The following ZCCHC14 variants were observed in gnomAD, a reference collection of about 807,000 sequenced individuals.
ZCCHC14 encodes zinc finger CCHC domain-containing protein 14.
ZCCHC14 carries 16 observed loss-of-function variants against 85.0 expected under a neutral mutation model. That is an observed-to-expected ratio of 0.19 (90% confidence interval 0.13 to 0.29). ZCCHC14 has a LOEUF of 0.29. ZCCHC14 is among the 10% of genes least tolerant of loss of function. ZCCHC14 has a pLI of 1.00. For synonymous variants in ZCCHC14, 775 were observed against 630.7 expected (o/e 1.23, Z -3.43); for missense variants, 1,303 against 1,443.5 (o/e 0.90, Z 1.58).
chr16:87,467,045 G>GTTTTT lies in ZCCHC14; in HGVS notation c.571-6919_571-6915dup, dbSNP rs11313580. The GTTTTT allele has an allele frequency of 2.1e-5, 6 of 279,568 alleles. No individual in the cohort carries two copies. In the Admixed American group the frequency reaches 2.6e-4, roughly 12 times the overall value. 17.3% of individuals were successfully genotyped at this position (279,568 alleles called of 1,614,324 possible). A position where few individuals can be genotyped will look rare whatever the true frequency, so the allele number is the denominator to read the frequency against. On this transcript the variant is annotated intron_variant, in intron 1 of 12. Coordinates refer to ENST00000671377, the MANE Select transcript of ZCCHC14 (RefSeq NM_015144.3). ...GTGTTTTTCATGAAAAAAAAAAATT[G>GTTTTT]TTTTTTTTTTTTTTTTTACTAAAGA...
At chr16:87,474,922 T>G (rs1331947749) in intron 1 of ZCCHC14, among the ~76,000 whole-genome samples, 3 of 151,858 alleles carry the variant, frequency 2.0e-5, no homozygotes, top group African/African-American at 7.3e-5. Context: ...ACAGGAAGAG[T>G]ATCTGGAGTT....
intron 1 of ZCCHC14, among the ~76,000 whole-genome samples, chr16:87,485,602 A>C (rs1912478850): frequency 6.6e-6 from 1 of 151,778 alleles, no homozygotes; most frequent in South Asian, 2.1e-4. Context: ...AAAAAAAAAA[A>C]AAAAAGAAGA....
intron 2 of ZCCHC14, among the ~76,000 whole-genome samples, chr16:87,452,504 G>T (rs1910753591): frequency 6.6e-6 from 1 of 152,106 alleles, no homozygotes; most frequent in African/African-American, 2.4e-5. Context: ...GTAAAGTAGG[G>T]TACAGAAGAG....
intron 1 of ZCCHC14, among the ~76,000 whole-genome samples, chr16:87,478,550 C>T (rs1912126360): frequency 6.6e-6 from 1 of 152,142 alleles, no homozygotes; most frequent in African/African-American, 2.4e-5. Flanking sequence ...TTACACACCA[C>T]ACAGTGCTTC....
chr16:87,435,018 C>T (rs911825060), intron 2 of ZCCHC14, among the ~76,000 whole-genome samples: 3 of 138,742 alleles, frequency 2.2e-5, no homozygotes, highest in Non-Finnish European at 4.7e-5. Flanking sequence ...AAAAAAAAGA[C>T]GTTTTTTGGG....
chr16:87,426,189 T>C (rs1429425719), intron 3 of ZCCHC14, among the ~76,000 whole-genome samples: 5 of 152,092 alleles, frequency 3.3e-5, no homozygotes, highest in Non-Finnish European at 7.4e-5. Context: ...AGCCAAGCCC[T>C]CTACCTCACC....
chr16:87,459,933 T>C (rs1736082017), intron 2 of ZCCHC14, 75 bp downstream of exon 2: 7 of 1,593,702 alleles, frequency 4.4e-6, no homozygotes, highest in Admixed American at 1.8e-5. Context: ...CATTTAACAA[T>C]GCCCTCACGG....
chr16:87,456,967 G>C, intron 2 of ZCCHC14, among the ~76,000 whole-genome samples: 1 of 152,332 alleles, frequency 6.6e-6, no homozygotes, highest in East Asian at 1.9e-4. Flanking sequence ...AACTTACTTT[G>C]TTGAGAGTAT....
chr16:87,451,179 CG>C (rs1422247329), intron 2 of ZCCHC14, among the ~76,000 whole-genome samples: 1 of 148,094 alleles, frequency 6.8e-6, no homozygotes, highest in African/African-American at 2.5e-5. Flanking sequence ...GGATTACAGG[CG>C]TGAGACATGG....
intron 2 of ZCCHC14, among the ~76,000 whole-genome samples, chr16:87,458,464 A>C (rs1911084816): frequency 6.6e-6 from 1 of 152,170 alleles, no homozygotes; most frequent in Non-Finnish European, 1.5e-5. Context: ...GGGGGTTGCT[A>C]CGAGGGTCAA....
At chr16:87,436,861 G>A (rs1035232043) in intron 2 of ZCCHC14, among the ~76,000 whole-genome samples, 6 of 152,190 alleles carry the variant, frequency 3.9e-5, no homozygotes, top group African/African-American at 7.2e-5. Flanking sequence ...AGCTGTGTAC[G>A]GTGGCGAAGT....
chr16:87,482,192 C>T (rs530292367), intron 1 of ZCCHC14, among the ~76,000 whole-genome samples: 2 of 152,342 alleles, frequency 1.3e-5, no homozygotes, highest in African/African-American at 4.8e-5. Context: ...GCCTTTGCCA[C>T]ACTGAGCTAC....
chr16:87,436,794 T>C (rs1049486653), intron 2 of ZCCHC14, among the ~76,000 whole-genome samples: 27 of 152,220 alleles, frequency 1.8e-4, no homozygotes, highest in African/African-American at 6.3e-4. Flanking sequence ...ATGATGACAG[T>C]TTTGTTTAAA....
rs761849262 is a variant in ZCCHC14, at chr16:87,412,519, CACG to C, written c.2199_2201del (p.Val734del). On this transcript the variant is annotated inframe_deletion, in exon 12 of 13. Transcript: ENST00000671377. Reference sequence around the variant, plus strand: ...GCACCCTGTCCAGCGTGGATGCATGCACGACTTTGGTCCGGGGACCAAAGGAGA... The same window carrying C: ...GCACCCTGTCCAGCGTGGATGCATGCACTTTGGTCCGGGGACCAAAGGAGA... The C allele has an allele frequency of 6.2e-7, 1 of 1,614,036 alleles. No homozygotes were observed. The highest frequency in any genetic ancestry group is 1.1e-5 in the South Asian group (1 of 91,088).
At chr16:87,443,176 G>A (rs1024296360) in intron 2 of ZCCHC14, among the ~76,000 whole-genome samples, 9 of 152,164 alleles carry the variant, frequency 5.9e-5, no homozygotes, top group African/African-American at 1.2e-4. Context: ...CGATGCCTGC[G>A]GATAGAATTC....
Position 87,492,273 on chromosome 16 carries a change from G to T in ZCCHC14, c.-35C>A. ...CGCGCCGCGCCGCGACCCGGGGCCG[G>T]GGACCGCGCGGGGGCGGCCGGGGGG... On this transcript the variant is annotated 5_prime_UTR_variant, in exon 1 of 13. Transcript: ENST00000671377. The surrounding 1 kb of genome is among the most constrained non-coding windows in gnomAD (Gnocchi z 6.7). 8 of 978,232 alleles carry T rather than the reference G, an allele frequency of 8.2e-6. No homozygotes were observed. Among genetic ancestry groups the T allele is most frequent in the Non-Finnish European group, 9.7e-6 (8 of 826,872 alleles). 60.6% of individuals were successfully genotyped at this position (978,232 alleles called of 1,614,324 possible).
At chr16:87,430,348 C>T (rs988461022) in intron 3 of ZCCHC14, among the ~76,000 whole-genome samples, 4 of 152,168 alleles carry the variant, frequency 2.6e-5, no homozygotes, top group African/African-American at 9.7e-5. Flanking sequence ...GTGAGTCTGT[C>T]TGGAGCCTCT....
intron 12 of ZCCHC14, among the ~76,000 whole-genome samples, chr16:87,411,178 T>TGAG (rs1345119898): frequency 6.6e-6 from 1 of 152,186 alleles, no homozygotes; most frequent in Non-Finnish European, 1.5e-5. Flanking sequence ...CGCCACAGCC[T>TGAG]GAGGGCCCCA....
intron 2 of ZCCHC14, among the ~76,000 whole-genome samples, chr16:87,434,014 C>T (rs1909790784): frequency 6.6e-6 from 1 of 152,120 alleles, no homozygotes. Flanking sequence ...AACAACAGTC[C>T]TGGGGGAGTC....
Sources: allele counts gnomAD v4.1 joint callset (sites outside exome capture counted in the v4.1 genomes callset), GRCh38; gene constraint gnomAD v4.1.1; non-coding constraint Gnocchi (gnomAD v3.1); transcripts MANE v1.5; gene names NCBI Gene and HGNC (gene_info 2026-07-23, HGNC 2026-07-21).